The following PTGR1 variants were observed in gnomAD, a reference collection of about 807,000 sequenced individuals.
The protein encoded by PTGR1 is prostaglandin reductase 1.
In PTGR1, 23 loss-of-function variants were observed where a neutral mutation model predicts 37.7. The ratio of observed to expected loss-of-function variants is 0.61; its 90% confidence interval spans 0.44 to 0.86. The LOEUF (loss-of-function observed/expected upper bound fraction) is 0.86, where lower values mean the gene tolerates loss of function less well. Among genes scored for constraint, PTGR1 ranks in the 40% least tolerant of loss-of-function variants. PTGR1 has a pLI of 0.00. For missense variants in PTGR1, 351 were observed against 394.3 expected (o/e 0.89, Z 0.93); for synonymous variants, 134 against 140.0 (o/e 0.96, Z 0.30).
At chr9:111,598,162 T>G (rs1295608954) in intron 1 of PTGR1, among the ~76,000 whole-genome samples, 1 of 152,164 alleles carries the variant, frequency 6.6e-6, no homozygotes, top group Non-Finnish European at 1.5e-5. Flanking sequence ...CCAGTAGGGA[T>G]TTGAGTTTAA....
chr9:111,578,050 A>G (rs531653348), intron 7 of PTGR1, among the ~76,000 whole-genome samples: 171 of 152,196 alleles, frequency 1.1e-3, no homozygotes, highest in Middle Eastern at 3.4e-3. Context: ...TTTTGCCAAT[A>G]TAGTAAAAAA....
intron 6 of PTGR1, among the ~76,000 whole-genome samples, chr9:111,583,115 ACT>A (rs919496584): frequency 1.3e-5 from 2 of 152,198 alleles, no homozygotes; most frequent in Non-Finnish European, 2.9e-5. Flanking sequence ...GTGGGTGATG[ACT>A]CTTAGCTGGC....
In PTGR1 at chr9:111,586,012, T is replaced by C. The variant is rs370698912; in HGVS notation, c.363A>G (p.Thr121=). 6.2e-7 allele frequency: 1 copy of C among 1,614,120 alleles called. No homozygotes were observed. The highest frequency in any genetic ancestry group is 8.5e-7 in the Non-Finnish European group (1 of 1,179,988). Residue 121 remains threonine (T), a synonymous_variant, in exon 5 of 10, where the codon ACA becomes ACG. Transcript: ENST00000407693. ...DTIPLSLALG[T]VGMPGLTAYF... ...ATGAAACTCACCCTGGCATGCCAAC[T>C]GTCCCCAGAGCCAAAGACAGTGGTA...
At chr9:111,565,895 G>T (rs1335701768) in intron 9 of PTGR1, among the ~76,000 whole-genome samples, 1 of 152,056 alleles carries the variant, frequency 6.6e-6, no homozygotes, top group Non-Finnish European at 1.5e-5. Context: ...GTATGTGAAA[G>T]AAATTAGGCC....
chr9:111,571,041 A>G (rs1031673490), intron 8 of PTGR1, among the ~76,000 whole-genome samples: 2 of 132,394 alleles, frequency 1.5e-5, no homozygotes, highest in Admixed American at 8.3e-5. Flanking sequence ...AAGGCAAGGA[A>G]GCAGATTCTC....
At chr9:111,574,888 A>T (rs1828990865) in intron 7 of PTGR1, 46 bp from the exon 8 acceptor site, 1 of 1,391,852 alleles carries the variant, frequency 7.2e-7, no homozygotes. Context: ...TAAATACTAG[A>T]GATTCAGGAG....
At chr9:111,561,147 G>GA (rs1491187821), downstream of PTGR1, among the ~76,000 whole-genome samples, 1,143 of 44,412 alleles carry the variant, frequency 0.026, 71 homozygotes, top group African/African-American at 0.044. Flanking sequence ...AGGAGAGAGA[G>GA]GGAGAGAGAG....
chr9:111,597,419 C>T lies in PTGR1; in HGVS notation c.4G>A (p.Val2Ile), dbSNP rs138530021. The change falls in exon 2 of 10, where the codon GTT (valine) becomes ATT (isoleucine). Residue 2 changes from valine (V) to isoleucine (I), a missense_variant. Physicochemically the swap from Val to Ile is conservative, Grantham distance 29 (BLOSUM62 3). Transcript: ENST00000407693. MVRTKTWTLKKH... is the reference protein window; with the variant it reads MIRTKTWTLKKH... ...TTCAGGGTCCATGTCTTAGTACGAA[C>T]CATCCTGAAGCTCCTAGAACACAGT... 19 of 1,607,196 alleles carry T rather than the reference C, an allele frequency of 1.2e-5. No homozygotes were observed. Among genetic ancestry groups the T allele is most frequent in the Non-Finnish European group, 1.5e-5 (18 of 1,175,082 alleles).
Position 111,574,766 on chromosome 9 carries a change from G to C in PTGR1, c.728C>G (p.Ser243Cys), listed in dbSNP as rs768404709. 1.2e-5 allele frequency: 19 copies of C among 1,613,816 alleles called. No individual in the cohort carries two copies. Among genetic ancestry groups the C allele is most frequent in the Non-Finnish European group, 1.4e-5 (16 of 1,179,950 alleles). ...AAGTGGGCCGGTTCTGTTATATGTA[G>C]AGATGGCTCCACATATGGCAATCCT... Reference protein sequence around the residue: ...FGRIAICGAISTYNRTGPLPP... With the variant: ...FGRIAICGAICTYNRTGPLPP... Residue 243 changes from serine (S) to cysteine (C), a missense_variant, in exon 8 of 10, where the codon TCT becomes TGT. Transcript: ENST00000407693.
chr9:111,587,522 G>C (rs1829474159), intron 4 of PTGR1, among the ~76,000 whole-genome samples: 1 of 152,038 alleles, frequency 6.6e-6, no homozygotes, highest in African/African-American at 2.4e-5. Context: ...TGCCATCTCG[G>C]CATACTGCAA....
At chr9:111,557,180 A>C (rs952931386) in intron 9 of PTGR1, among the ~76,000 whole-genome samples, 35 of 152,028 alleles carry the variant, frequency 2.3e-4, no homozygotes, top group African/African-American at 8.0e-4. Flanking sequence ...TACCACATGG[A>C]ATGGCTAACG....
chr9:111,568,390 G>A (rs899330950), intron 9 of PTGR1, among the ~76,000 whole-genome samples: 1 of 152,048 alleles, frequency 6.6e-6, no homozygotes, highest in African/African-American at 2.4e-5. Context: ...TATTAGGGTG[G>A]GGGAAAAACT....
intron 9 of PTGR1, among the ~76,000 whole-genome samples, chr9:111,564,845 C>G (rs556517540): frequency 6.6e-6 from 1 of 151,950 alleles, no homozygotes; most frequent in South Asian, 2.1e-4. Flanking sequence ...ATTAAGAGGC[C>G]GGGCGCAGTG....
rs761362379 is a variant in PTGR1, at chr9:111,574,742, A to C, written c.752T>G (p.Leu251Arg). 1 of 1,611,644 alleles carries C rather than the reference A, an allele frequency of 6.2e-7. No homozygotes were observed. Among genetic ancestry groups the C allele is most frequent in the East Asian group, 2.2e-5 (1 of 44,774 alleles). ...AISTYNRTGP[L>R]PPGPPPEIVI... Reference sequence around the variant, plus strand: ...GTGCATGTGCTCATTACCTGGGGGAAGTGGGCCGGTTCTGTTATATGTAGA... The same window carrying C: ...GTGCATGTGCTCATTACCTGGGGGACGTGGGCCGGTTCTGTTATATGTAGA... Residue 251 changes from leucine (L) to arginine (R), a missense_variant, in exon 8 of 10, where the codon CTT becomes CGT. Leu to Arg is a moderately radical substitution (Grantham distance 102, BLOSUM62 -2). Coordinates refer to ENST00000407693, the MANE Select transcript of PTGR1 (RefSeq NM_001146108.2).
At position 111,570,113 on chromosome 9, in the gene PTGR1, T is replaced by C; in HGVS notation, c.857A>G (p.Asp286Gly). 1 of 1,614,014 alleles carries C rather than the reference T, an allele frequency of 6.2e-7. No individual in the cohort carries two copies. The highest frequency in any genetic ancestry group is 8.5e-7 in the Non-Finnish European group (1 of 1,179,988). The change falls in exon 9 of 10, where the codon GAC becomes GGC. Residue 286 changes from aspartate (D) to glycine (G), a missense_variant. Coordinates refer to ENST00000407693, the MANE Select transcript of PTGR1 (RefSeq NM_001146108.2). ...QGDARQKALKDLLKWVLEGKI... is the reference protein window; with the variant it reads ...QGDARQKALKGLLKWVLEGKI... ...TACCTCTAAGACCCATTTCAGCAAG[T>C]CCTTCAGAGCTTTTTGGCGGGCATC...
At chr9:111,559,407 T>A (rs58515751), downstream of PTGR1, among the ~76,000 whole-genome samples, 40,919 of 151,638 alleles carry the variant, frequency 0.27, 8,089 homozygotes, top group African/African-American at 0.56. Context: ...ACACCCTCAA[T>A]CAGGCCCTGC....
downstream of PTGR1, among the ~76,000 whole-genome samples, chr9:111,560,962 TATATATATATATAGAGAGAGAG>T (rs1309613008): frequency 5.9e-4 from 27 of 45,906 alleles, 1 homozygote; most frequent in Admixed American, 4.1e-3. Context: ...TATATATATA[TATATATATATATAGAGAGAGAG>T]AGAGAGAGAG....
chr9:111,587,521 G>A (rs1203960400), intron 4 of PTGR1, among the ~76,000 whole-genome samples: 3 of 151,876 alleles, frequency 2.0e-5, no homozygotes, highest in Admixed American at 1.3e-4. Flanking sequence ...GTGCCATCTC[G>A]GCATACTGCA....
chr9:111,598,597 CG>C (rs1352716763), intron 1 of PTGR1, among the ~76,000 whole-genome samples: 1 of 152,166 alleles, frequency 6.6e-6, no homozygotes, highest in Non-Finnish European at 1.5e-5. Flanking sequence ...CGGGTTCAAG[CG>C]GTTCTCCTGT....
Sources: gnomAD v4.1 joint callset for allele counts (sites outside exome capture counted in the v4.1 genomes callset) on GRCh38, gnomAD v4.1.1 for gene constraint, MANE v1.5 for transcripts, NCBI Gene and HGNC (gene_info 2026-07-23, HGNC 2026-07-21) for gene names.